SLC44A1: variants seen among roughly 807,000 people sequenced by gnomAD.
SLC44A1 encodes the protein solute carrier family 44 member 1, also known as choline transporter-like protein 1.
A neutral mutation model predicts 79.3 loss-of-function variants in SLC44A1; 26 were observed. The observed-to-expected ratio is 0.33, with a 90% CI of 0.24 to 0.46. SLC44A1 has a LOEUF of 0.46. SLC44A1 is among the 20% of genes least tolerant of loss of function. SLC44A1 has a pLI of 1.00. For missense variants in SLC44A1, 688 were observed against 798.1 expected, an observed-to-expected ratio of 0.86 and a Z score of 1.66; for synonymous variants, 263 against 286.2, an observed-to-expected ratio of 0.92 and a Z score of 0.82.
intron 6 of SLC44A1, among the ~76,000 whole-genome samples, chr9:105,357,510 T>G (rs1827656086): frequency 6.6e-6 from 1 of 152,200 alleles, no homozygotes; most frequent in African/African-American, 2.4e-5. Context: ...TTAAAAAATC[T>G]TTGTTCATTT....
intron 1 of SLC44A1, among the ~76,000 whole-genome samples, chr9:105,269,883 C>T (rs554156560): frequency 1.3e-5 from 2 of 152,112 alleles, no homozygotes; most frequent in African/African-American, 2.4e-5. Context: ...TAAACTCTCT[C>T]GTCTTAGTGT....
chr9:105,386,216 G>A, intron 15 of SLC44A1: 1 of 983,974 alleles, frequency 1.0e-6, no homozygotes, highest in Non-Finnish European at 1.2e-6. Context: ...AGCTTAATGA[G>A]TGTAAGAGAA....
intron 2 of SLC44A1, among the ~76,000 whole-genome samples, chr9:105,306,438 T>A (rs1224649292): frequency 6.6e-6 from 1 of 152,198 alleles, no homozygotes; most frequent in South Asian, 2.1e-4. Flanking sequence ...AAAGAGATTG[T>A]ATTTTTAATT....
chr9:105,390,915 G>A lies in SLC44A1; in HGVS notation c.*1859G>A, dbSNP rs763929639. On this transcript the variant is annotated 3_prime_UTR_variant, in exon 16 of 16. Coordinates refer to ENST00000374720, the MANE Select transcript of SLC44A1 (RefSeq NM_080546.5). ...ATATCTAGTATCACCAAACAGTATC[G>A]CTGTTCTCTTTTATTCATTTGAAAT... The A allele has an allele frequency of 2.8e-5, 27 of 979,768 alleles. No individual in the cohort carries two copies. Among genetic ancestry groups the A allele is most frequent in the Middle Eastern group, 5.3e-4 (1 of 1,902 alleles). 60.7% of individuals were successfully genotyped at this position (979,768 alleles called of 1,614,324 possible).
chr9:105,374,553 G>A (rs184212980), intron 12 of SLC44A1, 45 bp from the exon 13 acceptor site: 12 of 1,584,908 alleles, frequency 7.6e-6, no homozygotes, highest in Non-Finnish European at 1.0e-5. Context: ...CTTAACAAAG[G>A]AAGTTTCAAT....
chr9:105,345,061 C>T (rs763368046), intron 4 of SLC44A1, among the ~76,000 whole-genome samples: 3 of 152,130 alleles, frequency 2.0e-5, no homozygotes, highest in African/African-American at 7.2e-5. Flanking sequence ...AGGTAGAGAC[C>T]TGCTTTAGGA....
chr9:105,306,199 G>A (rs951836567), intron 2 of SLC44A1, among the ~76,000 whole-genome samples: 8 of 152,008 alleles, frequency 5.3e-5, no homozygotes, highest in African/African-American at 1.9e-4. Context: ...CTCTAAGATT[G>A]CTTCCTACTC....
chr9:105,282,899 T>C (rs1157709188), intron 1 of SLC44A1, among the ~76,000 whole-genome samples: 1 of 152,174 alleles, frequency 6.6e-6, no homozygotes, highest in African/African-American at 2.4e-5. Context: ...TTGGGGGTTT[T>C]GTGACGATAT....
At chr9:105,372,325 G>T (rs1391168851) in intron 12 of SLC44A1, among the ~76,000 whole-genome samples, 4 of 151,998 alleles carry the variant, frequency 2.6e-5, no homozygotes, top group Non-Finnish European at 5.9e-5. Flanking sequence ...GTCTCACTCT[G>T]TGGCCCAGGC....
At chr9:105,361,874 G>C (rs1827790582) in intron 8 of SLC44A1, among the ~76,000 whole-genome samples, 1 of 152,178 alleles carries the variant, frequency 6.6e-6, no homozygotes, top group Non-Finnish European at 1.5e-5. Flanking sequence ...GCAAGATAGT[G>C]AGACCCTGTC....
downstream of SLC44A1, among the ~76,000 whole-genome samples, chr9:105,397,816 C>T (rs1828904455): frequency 6.6e-6 from 1 of 151,854 alleles, no homozygotes; most frequent in Non-Finnish European, 1.5e-5. Context: ...GGCGTGGTGG[C>T]GGGCGCCTGT....
chr9:105,377,360 G>A (rs186459031), intron 13 of SLC44A1, among the ~76,000 whole-genome samples: 1 of 152,132 alleles, frequency 6.6e-6, no homozygotes, highest in Non-Finnish European at 1.5e-5. Context: ...GATTGCTTTT[G>A]GATATTGAAA....
chr9:105,368,615 A>G (rs1482463697), intron 12 of SLC44A1, among the ~76,000 whole-genome samples: 1 of 152,216 alleles, frequency 6.6e-6, no homozygotes, highest in African/African-American at 2.4e-5. Flanking sequence ...TCACACTTAT[A>G]TACATATAAA....
chr9:105,300,990 A>C (rs1830863520), intron 2 of SLC44A1, among the ~76,000 whole-genome samples: 1 of 151,958 alleles, frequency 6.6e-6, no homozygotes, highest in African/African-American at 2.4e-5. Flanking sequence ...GGCTGATCTC[A>C]AACTCCTGAC....
chr9:105,358,345 T>A lies in SLC44A1; in HGVS notation c.672T>A (p.Val224=), dbSNP rs1216732647. The stretch of plus-strand genomic sequence containing the variant: ...ATATGTTCTCTATCTTCCCTGCAGT[T>A]CTATCCATGATTTTGATGGTGATAA... The part of the protein sequence containing the change: ...IILGLCLLSL[V]LSMILMVIIR... The change falls in exon 7 of 16, where the codon GTT becomes GTA. Residue 224 remains valine, a splice_region_variant and synonymous_variant. Coordinates refer to ENST00000374720, the MANE Select transcript of SLC44A1 (RefSeq NM_080546.5). 2.0e-6 allele frequency: 3 copies of A among 1,519,300 alleles called. No individual in the cohort carries two copies. The highest frequency in any genetic ancestry group is 1.1e-5 in the South Asian group (1 of 88,456). 94.1% of individuals were successfully genotyped at this position (1,519,300 alleles called of 1,614,324 possible).
chr9:105,340,017 G>C (rs563811566), intron 4 of SLC44A1, among the ~76,000 whole-genome samples: 1 of 152,292 alleles, frequency 6.6e-6, no homozygotes, highest in Non-Finnish European at 1.5e-5. Context: ...AAAAGTAGAA[G>C]TGTGGTTGCC....
At chr9:105,436,467 G>C (rs993316458) in intron 15 of SLC44A1, among the ~76,000 whole-genome samples, 20 of 152,164 alleles carry the variant, frequency 1.3e-4, no homozygotes, top group Non-Finnish European at 2.9e-4. Context: ...TATAGTCCCA[G>C]CTACCGAGGA....
chr9:105,356,701 A>T (rs1827633840), intron 6 of SLC44A1, among the ~76,000 whole-genome samples: 1 of 152,146 alleles, frequency 6.6e-6, no homozygotes, highest in Non-Finnish European at 1.5e-5. Context: ...GTTTTTAGTT[A>T]TGATTCCTAA....
intron 15 of SLC44A1, among the ~76,000 whole-genome samples, chr9:105,427,208 A>G (rs1166728538): frequency 6.6e-6 from 1 of 152,140 alleles, no homozygotes; most frequent in Non-Finnish European, 1.5e-5. Context: ...GCTGAGATTA[A>G]AGGCGTGAGC....
Sources: gnomAD v4.1 joint callset for allele counts (sites outside exome capture counted in the v4.1 genomes callset) on GRCh38, gnomAD v4.1.1 for gene constraint, MANE v1.5 for transcripts, NCBI Gene and HGNC (gene_info 2026-07-23, HGNC 2026-07-21) for gene names.